Variants in FRY observed in about 807,000 individuals in gnomAD.
The protein encoded by FRY is protein furry homolog.
A neutral mutation model predicts 348.4 loss-of-function variants in FRY; 128 were observed. The ratio of observed to expected loss-of-function variants is 0.37; its 90% CI spans 0.32 to 0.43. The LOEUF is 0.43. FRY is among the 20% of genes least tolerant of loss of function. The pLI, the probability that FRY is intolerant of heterozygous loss-of-function variation, is 1.00. For missense variants in FRY, 2,736 were observed against 3,695.2 expected, an observed-to-expected ratio of 0.74 and a Z score of 6.73; for synonymous variants, 1,370 against 1,374.7, an observed-to-expected ratio of 1.00 and a Z score of 0.08.
intron 31 of FRY, among the ~76,000 whole-genome samples, chr13:32,205,815 G>A (rs1438578536): frequency 1.3e-5 from 2 of 151,936 alleles, no homozygotes; most frequent in Non-Finnish European, 2.9e-5. Flanking sequence ...CATCCAGTCT[G>A]GAGAGAGGAG....
At chr13:32,209,374 A>T (rs1268741558) in intron 32 of FRY, among the ~76,000 whole-genome samples, 2 of 152,212 alleles carry the variant, frequency 1.3e-5, no homozygotes, top group African/African-American at 2.4e-5. Context: ...CCTAATATTT[A>T]AAAAACTCAC....
In FRY at chr13:32,204,192, A is replaced by G. The variant is rs866363401; in HGVS notation, c.4018+1665A>G. ...ACAGAACCTCTAAATTACATTCCTT[A>G]TCTGTAATAGTAATGACTACCCCAT... On this transcript the variant is annotated intron_variant, in intron 31 of 60. Transcript: ENST00000542859. Among the ~76,000 whole-genome samples the G allele has an allele frequency of 2.0e-5, 3 of 152,180 alleles. No individual in the cohort carries two copies. The South Asian group carries it at 6.2e-4, about 32-fold the overall frequency.
At chr13:32,187,697 G>T (rs1883103175) in intron 28 of FRY, 41 bp downstream of exon 28, 2 of 1,090,766 alleles carry the variant, frequency 1.8e-6, no homozygotes, top group Non-Finnish European at 2.8e-6. Context: ...AATGTCTTCT[G>T]TGTTCTGCCT....
intron 3 of FRY, among the ~76,000 whole-genome samples, chr13:32,103,316 G>A (rs1042436274): frequency 2.6e-5 from 4 of 152,172 alleles, no homozygotes; most frequent in Admixed American, 6.5e-5. Flanking sequence ...TGGTGAATAC[G>A]GTATATGATG....
chr13:32,261,714 A>G lies in FRY; in HGVS notation c.7515A>G (p.Ser2505=). ...DMQILEERQL[S]GSTPSLNKMH... is the part of the protein sequence containing the mutation. ...AGATTCTGGAGGAGCGCCAACTGTC[A>G]GGAAGCACTCCTAGCCTGAATAAAA... The change falls in exon 52 of 61, where the codon TCA becomes TCG. Residue 2505 remains serine (S), a synonymous_variant. Transcript: ENST00000542859. The G allele has an allele frequency of 6.2e-7, 1 of 1,614,196 alleles. No homozygotes were observed. Among genetic ancestry groups the G allele is most frequent in the Non-Finnish European group, 8.5e-7 (1 of 1,180,026 alleles).
intron 40 of FRY, among the ~76,000 whole-genome samples, chr13:32,229,594 T>C (rs913619122): frequency 6.6e-6 from 1 of 152,094 alleles, no homozygotes; most frequent in African/African-American, 2.4e-5. Context: ...ACCCGCATGA[T>C]TTGTGGAAAG....
In FRY at chr13:32,218,850, T is replaced by A. The variant is rs772009190; in HGVS notation, c.4765+19T>A. On this transcript the variant is annotated intron_variant, in intron 36 of 60. Transcript: ENST00000542859. ...GATAAAAGTAAGTACCAACAGGCTG[T>A]GGGCTTTCAGACGGAACGCAAGTGG... 1 of 1,433,086 alleles carries A rather than the reference T, an allele frequency of 7.0e-7. No homozygotes were observed. The highest frequency in any genetic ancestry group is 1.7e-5 in the Admixed American group (1 of 59,772). The allele number at this position is 1,433,086 out of a possible 1,614,324, so 88.8% of individuals were successfully genotyped here.
intron 1 of FRY, chr13:32,061,265 G>A (rs1184702363): frequency 4.3e-6 from 2 of 468,428 alleles, no homozygotes; most frequent in South Asian, 3.1e-5. Flanking sequence ...GGGGGTGGAG[G>A]TAGCAGTTGC....
Position 32,136,881 on chromosome 13 carries a change from C to A in FRY, c.1088C>A (p.Pro363His). ...CTCCTTTCTCCTCAGGCCTTGTACC[C>A]CCTGGTGACCTGTTTGCTCTGTGTC... is the stretch of plus-strand genomic sequence containing the variant. ...SRKKHSLALY[P>H]LVTCLLCVSQ... Residue 363 changes from proline to histidine, a missense_variant, in exon 11 of 61, where the codon CCC becomes CAC. Physicochemically the swap from Pro to His is moderately conservative, Grantham distance 77. This residue lies in a region of FRY where 191 missense variants were observed against 370.2 expected (regional missense o/e 0.52). Transcript: ENST00000542859. The A allele has an allele frequency of 6.3e-7, 1 of 1,591,902 alleles. No homozygotes were observed. The highest frequency in any genetic ancestry group is 8.6e-7 in the Non-Finnish European group (1 of 1,159,778).
intron 29 of FRY, among the ~76,000 whole-genome samples, chr13:32,201,023 G>T (rs1883992735): frequency 6.6e-6 from 1 of 152,146 alleles, no homozygotes; most frequent in Admixed American, 6.5e-5. Flanking sequence ...CCCCTCCCCA[G>T]GGCAAATCCT....
chr13:32,292,509 T>C (rs986025178), intron 59 of FRY, among the ~76,000 whole-genome samples: 5 of 151,972 alleles, frequency 3.3e-5, no homozygotes, highest in Admixed American at 3.3e-4. Context: ...TAAAGCAAAC[T>C]TTGGCAGGGT....
At chr13:32,105,812 T>A (rs1387795766) in intron 3 of FRY, among the ~76,000 whole-genome samples, 1 of 152,150 alleles carries the variant, frequency 6.6e-6, no homozygotes, top group Non-Finnish European at 1.5e-5. Flanking sequence ...CTTCTAAATG[T>A]CACTGGCATG....
At chr13:32,248,835 G>A (rs1886932925) in intron 48 of FRY, among the ~76,000 whole-genome samples, 1 of 152,162 alleles carries the variant, frequency 6.6e-6, no homozygotes, top group Non-Finnish European at 1.5e-5. Flanking sequence ...AAAAAAACAT[G>A]CAGCTGGTTA....
intron 14 of FRY, among the ~76,000 whole-genome samples, chr13:32,150,134 A>G (rs1165822928): frequency 6.6e-6 from 1 of 152,234 alleles, no homozygotes; most frequent in Admixed American, 6.5e-5. Context: ...TTATTTTAGA[A>G]AAGTCAGTGC....
chr13:32,210,180 T>C (rs970243427), intron 33 of FRY, among the ~76,000 whole-genome samples: 1 of 152,224 alleles, frequency 6.6e-6, no homozygotes, highest in African/African-American at 2.4e-5. Context: ...AAGAGAGAAG[T>C]AAGCATGGAG....
At chr13:32,264,810 T>C (rs1311833330) in intron 53 of FRY, among the ~76,000 whole-genome samples, 2 of 152,090 alleles carry the variant, frequency 1.3e-5, no homozygotes, top group African/African-American at 4.8e-5. Flanking sequence ...TGCAAATGGA[T>C]CTTAGAGGAT....
intron 18 of FRY, among the ~76,000 whole-genome samples, chr13:32,171,709 G>T (rs573710792): frequency 1.3e-5 from 2 of 152,300 alleles, no homozygotes; most frequent in South Asian, 4.1e-4. Context: ...CCCTGGTGGT[G>T]GGCCTTAGTT....
intron 59 of FRY, among the ~76,000 whole-genome samples, 182 bp downstream of exon 59, chr13:32,289,925 G>A (rs1035262777): frequency 1.3e-5 from 2 of 152,192 alleles, no homozygotes; most frequent in Non-Finnish European, 2.9e-5. Context: ...TAAAAGCAAA[G>A]TCAGGAGTAG....
rs1886378324 is a variant in FRY at position 32,239,218 on chromosome 13, T to A, written c.6419-34T>A. 1.6e-6 allele frequency: 2 copies of A among 1,253,598 alleles called. No homozygotes were observed. Among genetic ancestry groups the A allele is most frequent in the East Asian group, 4.6e-5 (2 of 43,260 alleles). 77.7% of individuals were successfully genotyped at this position (1,253,598 alleles called of 1,614,324 possible). ...CTGTTAACAGCTAAAATATACCATATTCAGCTATCTCCATTGTATCTTCTC... is the reference window on the plus strand; with the variant it reads ...CTGTTAACAGCTAAAATATACCATAATCAGCTATCTCCATTGTATCTTCTC... On this transcript the variant is annotated intron_variant, in intron 44 of 60. Transcript: ENST00000542859. The surrounding 1 kb of genome is among the most constrained non-coding windows in gnomAD (Gnocchi z 4.3).
Sources: gnomAD v4.1 joint callset for allele counts (sites outside exome capture counted in the v4.1 genomes callset) on GRCh38, gnomAD v4.1.1 for gene constraint, gnomAD v4.1.1 regional missense constraint, Gnocchi (gnomAD v3.1) non-coding constraint, MANE v1.5 for transcripts, NCBI Gene and HGNC (gene_info 2026-07-23, HGNC 2026-07-21) for gene names.